The following ZNF556 variants were observed in gnomAD, a reference collection of about 807,000 sequenced individuals.
The protein encoded by ZNF556 is zinc finger protein 556.
A neutral mutation model predicts 13.6 loss-of-function variants in ZNF556; 11 were observed. The ratio of observed to expected loss-of-function variants is 0.81; its 90% CI spans 0.51 to 1.33. The LOEUF (loss-of-function observed/expected upper bound fraction) is 1.33, where lower values mean the gene tolerates loss of function less well. Among genes scored for constraint, ZNF556 ranks in the 40% most tolerant of loss-of-function variants. ZNF556 has a pLI of 0.00. For synonymous variants in ZNF556, 229 were observed against 207.8 expected (o/e 1.10, Z -0.88); for missense variants, 633 against 566.2 (o/e 1.12, Z -1.20).
At chr19:2,871,715 A>G (rs2087804103) in intron 1 of ZNF556, among the ~76,000 whole-genome samples, 1 of 152,158 alleles carries the variant, frequency 6.6e-6, no homozygotes, top group South Asian at 2.1e-4. Context: ...GTTTCTCCCC[A>G]TGTGCAGAGA....
rs543252385 is a variant in ZNF556 at position 2,877,949 on chromosome 19, C to A, written c.991C>A (p.His331Asn). ...AGCATTCGGTTGGCCCTCATCCTTA[C>A]ACAAACACGCGAGAACGCATGCTAA... ...GKAFGWPSSLHKHARTHAKKK... is the reference protein window; with the variant it reads ...GKAFGWPSSLNKHARTHAKKK... The change falls in exon 4 of 4, where the codon CAC (histidine) becomes AAC (asparagine). Residue 331 changes from histidine to asparagine, a missense_variant. Coordinates refer to ENST00000307635, the MANE Select transcript of ZNF556 (RefSeq NM_024967.3). 1.2e-5 allele frequency: 19 copies of A among 1,614,230 alleles called. 1 individual carries two copies. In the South Asian group the frequency reaches 1.6e-4, roughly 14 times the overall value.
chr19:2,872,065 G>C (rs1482094449), intron 1 of ZNF556, among the ~76,000 whole-genome samples: 1 of 152,286 alleles, frequency 6.6e-6, no homozygotes, highest in East Asian at 1.9e-4. Context: ...CTATCTAGAA[G>C]GCAGAGCCAG....
At chr19:2,874,396 T>C (rs1352812654) in intron 2 of ZNF556, among the ~76,000 whole-genome samples, 1 of 152,134 alleles carries the variant, frequency 6.6e-6, no homozygotes, top group Non-Finnish European at 1.5e-5. Flanking sequence ...GTAGCTTCTC[T>C]GTGATAATAA....
rs1290732147 is a variant in ZNF556 at position 2,873,599 on chromosome 19, C to A, written c.107C>A (p.Thr36Asn). The change falls in exon 2 of 4, where the codon ACC becomes AAC. Residue 36 changes from threonine (T) to asparagine (N), a missense_variant. By Grantham distance (65) the Thr-to-Asn change is moderately conservative. Coordinates refer to ENST00000307635, the MANE Select transcript of ZNF556 (RefSeq NM_024967.3). ...CTCTACAGAGATGTCATGCTGGAGACCTTCAAGCACCTGGCCTCAGTAGGT... is the reference window on the plus strand; with the variant it reads ...CTCTACAGAGATGTCATGCTGGAGAACTTCAAGCACCTGGCCTCAGTAGGT... ...RKLYRDVMLE[T>N]FKHLASVDNE... 6.2e-7 allele frequency: 1 copy of A among 1,613,860 alleles called. No homozygotes were observed. The highest frequency in any genetic ancestry group is 8.5e-7 in the Non-Finnish European group (1 of 1,179,890).
At position 2,877,369 on chromosome 19, in the gene ZNF556, C is replaced by G; in HGVS notation, c.411C>G (p.Arg137=). 1 of 1,614,166 alleles carries G rather than the reference C, an allele frequency of 6.2e-7. No homozygotes were observed. The highest frequency in any genetic ancestry group is 8.5e-7 in the Non-Finnish European group (1 of 1,180,042). The part of the protein sequence containing the change: ...RKTRNCNRHL[R]KNCCTSVRRY... ...CTCGAAATTGTAATCGTCATCTGCG[C>G]AAGAATTGTTGTACTAGTGTAAGAC... is the stretch of plus-strand genomic sequence containing the variant. The change falls in exon 4 of 4, where the codon CGC becomes CGG. Residue 137 remains arginine (R), a synonymous_variant. Transcript: ENST00000307635.
At position 2,877,985 on chromosome 19, in the gene ZNF556, G is replaced by C; in HGVS notation, c.1027G>C (p.Val343Leu). The change falls in exon 4 of 4, where the codon GTG becomes CTG. Residue 343 changes from valine (V) to leucine (L), a missense_variant. Physicochemically the swap from Val to Leu is conservative, Grantham distance 32 (BLOSUM62 1). Coordinates refer to ENST00000307635, the MANE Select transcript of ZNF556 (RefSeq NM_024967.3). ...HARTHAKKKP[V>L]SGGSVGKSSA... Reference sequence around the variant, plus strand: ...GAGAACGCATGCTAAAAAGAAACCTGTGAGTGGGGGCAGCGTGGGAAAGTC... The same window carrying C: ...GAGAACGCATGCTAAAAAGAAACCTCTGAGTGGGGGCAGCGTGGGAAAGTC... 3.7e-6 allele frequency: 6 copies of C among 1,614,098 alleles called. No homozygotes were observed. Among genetic ancestry groups the C allele is most frequent in the Non-Finnish European group, 5.1e-6 (6 of 1,179,992 alleles).
In ZNF556 at chr19:2,873,641, C is replaced by A. The variant is rs1310849645; in HGVS notation, c.130+19C>A. ...TCAGTAGGTGAGGATAGCATTATTTCTGCACTTAGTTATTAGATAATAAAT... is the reference window on the plus strand; with the variant it reads ...TCAGTAGGTGAGGATAGCATTATTTATGCACTTAGTTATTAGATAATAAAT... On this transcript the variant is annotated intron_variant, in intron 2 of 3. Transcript: ENST00000307635. 6.2e-7 allele frequency: 1 copy of A among 1,607,378 alleles called. No individual in the cohort carries two copies. Among genetic ancestry groups the A allele is most frequent in the South Asian group, 1.1e-5 (1 of 90,738 alleles).
chr19:2,878,364 T>G lies in ZNF556; in HGVS notation c.*35T>G. The G allele has an allele frequency of 6.3e-7, 1 of 1,593,604 alleles. No individual in the cohort carries two copies. Among genetic ancestry groups the G allele is most frequent in the Non-Finnish European group, 8.5e-7 (1 of 1,169,638 alleles). ...ACCTGTGCAAATTAATTCACATACATGGTTCAGAAAATTCACAGCAGGAGG... is the reference window on the plus strand; with the variant it reads ...ACCTGTGCAAATTAATTCACATACAGGGTTCAGAAAATTCACAGCAGGAGG... On this transcript the variant is annotated 3_prime_UTR_variant, in exon 4 of 4. Coordinates refer to ENST00000307635, the MANE Select transcript of ZNF556 (RefSeq NM_024967.3).
rs748647256 is a variant in ZNF556, at chr19:2,876,288, T to C, written c.314+12T>C. 6.4e-7 allele frequency: 1 copy of C among 1,560,156 alleles called. No homozygotes were observed. Among genetic ancestry groups the C allele is most frequent in the South Asian group, 1.2e-5 (1 of 82,086 alleles). On this transcript the variant is annotated intron_variant, in intron 3 of 3. Coordinates refer to ENST00000307635, the MANE Select transcript of ZNF556 (RefSeq NM_024967.3). ...GAGAGACATTTGAGGTGAGTTGTAC[T>C]TAGAAGAAAAAGGCAGTATCGCCAG...
At chr19:2,876,008 G>A in intron 2 of ZNF556, 85 bp from the exon 3 acceptor site, 1 of 1,080,516 alleles carries the variant, frequency 9.3e-7, no homozygotes. Flanking sequence ...ATCACATAAT[G>A]AAGTCATGAA....
At chr19:2,875,965 AAAAT>A (rs897471053) in intron 2 of ZNF556, 124 bp from the exon 3 acceptor site, 236 of 865,922 alleles carry the variant, frequency 2.7e-4, no homozygotes, top group Middle Eastern at 3.7e-4. Flanking sequence ...CTCCGTCTCA[AAAAT>A]AAATAAATAA....
Position 2,882,306 on chromosome 19 carries a change from T to C in ZNF556, c.*3977T>C, listed in dbSNP as rs2087909973. 6.6e-6 allele frequency: 1 copy of C among 151,360 alleles called. No homozygotes were observed. The highest frequency in any genetic ancestry group is 2.4e-5 in the African/African-American group (1 of 41,146). The allele number at this position is 151,360 out of a possible 1,614,324, so 9.4% of individuals were successfully genotyped here. ...AGCTGGGCGTGGTGGCAGGTGCCTG[T>C]AGTCCCAGCTACTCGGGAGGCTGAG... On this transcript the variant is annotated 3_prime_UTR_variant, in exon 4 of 4. Transcript: ENST00000307635.
At position 2,876,177 on chromosome 19, in the gene ZNF556, A is replaced by G. The variant is rs201326837; in HGVS notation, c.215A>G (p.Glu72Gly). ...GEKLSLKQKI[E>G]KFTRKNIWAS... Reference sequence around the variant, plus strand: ...AAATTATCCCTCAAACAGAAAATAGAAAAGTTCACAAGAAAGAATATATGG... The same window carrying G: ...AAATTATCCCTCAAACAGAAAATAGGAAAGTTCACAAGAAAGAATATATGG... Residue 72 changes from glutamate (E) to glycine (G), a missense_variant, in exon 3 of 4, where the codon GAA becomes GGA. Glu to Gly is a moderately conservative substitution (Grantham distance 98). Transcript: ENST00000307635. 1.9e-6 allele frequency: 3 copies of G among 1,612,756 alleles called. No homozygotes were observed. Among genetic ancestry groups the G allele is most frequent in the Non-Finnish European group, 2.5e-6 (3 of 1,179,650 alleles).
rs555971817 is a variant in ZNF556, at chr19:2,870,806, G to A, written c.4-2690G>A. 5.3e-5 allele frequency among the ~76,000 whole-genome samples: 8 copies of A among 150,932 alleles called. No individual in the cohort carries two copies. The East Asian group carries it at 9.8e-4, about 18-fold the overall frequency. On this transcript the variant is annotated intron_variant, in intron 1 of 3. Transcript: ENST00000307635. ...TGTAATCCCAGCACTTTGGGAGGCCGAGGCAGGTGGATCACAAGGTCAGGA... is the reference window on the plus strand; with the variant it reads ...TGTAATCCCAGCACTTTGGGAGGCCAAGGCAGGTGGATCACAAGGTCAGGA...
intron 1 of ZNF556, among the ~76,000 whole-genome samples, 161 bp downstream of exon 1, chr19:2,867,585 C>A (rs8104536): frequency 0.78 from 118,409 of 151,266 alleles, 47,426 homozygotes; most frequent in East Asian, 1. Context: ...CCTCCCCTGC[C>A]CCAGTCTTCA....
In ZNF556 at chr19:2,878,137, T is replaced by C. The variant is rs111874967; in HGVS notation, c.1179T>C (p.Thr393=). 4,070 of 1,614,062 alleles carry C rather than the reference T, an allele frequency of 2.5e-3. 11 individuals carry two copies. Among genetic ancestry groups the C allele is most frequent in the Non-Finnish European group, 2.9e-3 (3,373 of 1,180,008 alleles). ...TACACAAACATGAGAGAAAGCACAC[T>C]GGGGAGAAACCTGTAAATGCAGCCA... is the stretch of plus-strand genomic sequence containing the variant. ...SSLHKHERKH[T]GEKPVNAASV... is the part of the protein sequence containing the mutation. Residue 393 remains threonine (T), a synonymous_variant, in exon 4 of 4, where the codon ACT becomes ACC. Transcript: ENST00000307635.
At chr19:2,871,975 G>C (rs1452257515) in intron 1 of ZNF556, among the ~76,000 whole-genome samples, 1 of 152,206 alleles carries the variant, frequency 6.6e-6, no homozygotes, top group African/African-American at 2.4e-5. Flanking sequence ...CAGAGAGAGA[G>C]AGGAGACAGA....
rs535686689 is a variant in ZNF556, at chr19:2,880,401, ATC to A, written c.*2076_*2077del. ...ATAAGTTGTATACTAACAAATGTCA[ATC>A]TCTGTTTTTTATTTACTGGGAGAAT... On this transcript the variant is annotated 3_prime_UTR_variant, in exon 4 of 4. Coordinates refer to ENST00000307635, the MANE Select transcript of ZNF556 (RefSeq NM_024967.3). 2.6e-5 allele frequency: 4 copies of A among 152,274 alleles called. No homozygotes were observed. In the East Asian group the frequency reaches 7.7e-4, roughly 29 times the overall value. 9.4% of individuals were successfully genotyped at this position (152,274 alleles called of 1,614,324 possible).
At position 2,877,663 on chromosome 19, in the gene ZNF556, G is replaced by T; in HGVS notation, c.705G>T (p.Gln235His). 1 of 1,614,234 alleles carries T rather than the reference G, an allele frequency of 6.2e-7. No individual in the cohort carries two copies. Among genetic ancestry groups the T allele is most frequent in the Non-Finnish European group, 8.5e-7 (1 of 1,180,054 alleles). ...GAGAGAAACCCTACGAATGTGGGCA[G>T]TGTGGGAAAGGCTTCAGTTGTCCCA... The part of the protein sequence containing the change: ...HTGEKPYECG[Q>H]CGKGFSCPKS... The change falls in exon 4 of 4, where the codon CAG becomes CAT. Residue 235 changes from glutamine to histidine, a missense_variant. Gln to His is a conservative substitution (Grantham distance 24). Coordinates refer to ENST00000307635, the MANE Select transcript of ZNF556 (RefSeq NM_024967.3).
Sources: allele counts gnomAD v4.1 joint callset (sites outside exome capture counted in the v4.1 genomes callset), GRCh38; gene constraint gnomAD v4.1.1; transcripts MANE v1.5; gene names NCBI Gene and HGNC (gene_info 2026-07-23, HGNC 2026-07-21).